POU6F2: variants seen among roughly 807,000 people sequenced by gnomAD.
The protein encoded by POU6F2 is POU domain, class 6, transcription factor 2.
In POU6F2, 31 loss-of-function variants were observed where a neutral mutation model predicts 71.3. That is an observed-to-expected ratio of 0.43 (90% CI 0.33 to 0.59). The LOEUF is 0.59. POU6F2 is among the 20% of genes least tolerant of loss of function. The pLI is 0.04. For missense variants in POU6F2, 783 were observed against 856.8 expected, an observed-to-expected ratio of 0.91 and a Z score of 1.07; for synonymous variants, 347 against 355.7, an observed-to-expected ratio of 0.98 and a Z score of 0.27.
intron 1 of POU6F2, among the ~76,000 whole-genome samples, chr7:38,982,006 AT>A (rs1342248903): frequency 6.6e-6 from 1 of 152,222 alleles, no homozygotes; most frequent in Non-Finnish European, 1.5e-5. Context: ...AGATTTAATA[AT>A]AATTTGCTTA....
At chr7:39,257,560 T>G (rs1784049862) in intron 4 of POU6F2, among the ~76,000 whole-genome samples, 1 of 151,868 alleles carries the variant, frequency 6.6e-6, no homozygotes, top group African/African-American at 2.4e-5. Flanking sequence ...CAGCTCAGGG[T>G]GGGTGTCAAA....
At chr7:39,103,387 G>A (rs1451069947) in intron 2 of POU6F2, among the ~76,000 whole-genome samples, 1 of 152,126 alleles carries the variant, frequency 6.6e-6, no homozygotes, top group African/African-American at 2.4e-5. Flanking sequence ...ATGGAGTCTT[G>A]GTGGGACGAT....
chr7:39,051,045 T>G (rs749602003), intron 1 of POU6F2, among the ~76,000 whole-genome samples: 2 of 152,162 alleles, frequency 1.3e-5, no homozygotes, highest in African/African-American at 2.4e-5. Context: ...CTTGAATTAT[T>G]CACTTAGATC....
chr7:39,333,131 G>A (rs1362794460), intron 4 of POU6F2, among the ~76,000 whole-genome samples: 1 of 152,146 alleles, frequency 6.6e-6, no homozygotes, highest in Admixed American at 6.5e-5. Flanking sequence ...ACTTTGCTGA[G>A]CAGGTGCAGC....
intron 4 of POU6F2, among the ~76,000 whole-genome samples, chr7:39,265,515 C>T (rs1007811923): frequency 4.6e-5 from 7 of 152,192 alleles, no homozygotes; most frequent in Non-Finnish European, 1.5e-5. Context: ...TCAAGAGGGG[C>T]ATGTGGTTTC....
chr7:39,142,987 C>A (rs1000600528), intron 2 of POU6F2, among the ~76,000 whole-genome samples: 1 of 152,194 alleles, frequency 6.6e-6, no homozygotes, highest in African/African-American at 2.4e-5. Flanking sequence ...TATGTATCAT[C>A]TCTGTTCTAG....
chr7:39,300,086 G>A lies in POU6F2; in HGVS notation c.599-39556G>A, dbSNP rs576707602. ...AGCCCACGAGGACCCACCATATACT[G>A]TATTTTCCAGTGCCAATCACCTTCA... On this transcript the variant is annotated intron_variant, in intron 4 of 9. Coordinates refer to ENST00000518318, the MANE Select transcript of POU6F2 (RefSeq NM_001370959.1). Among the ~76,000 whole-genome samples, 31 of 152,218 alleles carry A rather than the reference G, an allele frequency of 2.0e-4. No homozygotes were observed. In the South Asian group the frequency reaches 5.4e-3, roughly 26 times the overall value.
At chr7:39,281,520 T>G (rs1784562915) in intron 4 of POU6F2, among the ~76,000 whole-genome samples, 2 of 152,316 alleles carry the variant, frequency 1.3e-5, no homozygotes, top group Admixed American at 1.3e-4. Flanking sequence ...GATCAACTTT[T>G]TTAGATCCCA....
intron 1 of POU6F2, among the ~76,000 whole-genome samples, chr7:39,007,959 C>T (rs1163000933): frequency 1.0e-4 from 15 of 150,662 alleles, no homozygotes; most frequent in Admixed American, 9.3e-4. Flanking sequence ...CAAGTCTTTG[C>T]TATTGTGAAT....
At chr7:39,367,029 A>G (rs181515565) in intron 5 of POU6F2, among the ~76,000 whole-genome samples, 2 of 152,176 alleles carry the variant, frequency 1.3e-5, no homozygotes, top group Admixed American at 1.3e-4. Flanking sequence ...CTTTACAAAG[A>G]TAGAGGGGGA....
chr7:38,986,366 G>A (rs905283454), intron 1 of POU6F2, among the ~76,000 whole-genome samples: 9 of 152,008 alleles, frequency 5.9e-5, no homozygotes, highest in African/African-American at 9.7e-5. Context: ...GTAAGAATTC[G>A]AGTACATAGT....
chr7:39,336,827 A>C (rs1442470448), intron 4 of POU6F2, among the ~76,000 whole-genome samples: 3 of 152,344 alleles, frequency 2.0e-5, no homozygotes, highest in East Asian at 3.9e-4. Context: ...TTATAATAGT[A>C]TGGTCTTATA....
intron 1 of POU6F2, among the ~76,000 whole-genome samples, chr7:39,009,239 A>G (rs1041192403): frequency 1.3e-4 from 20 of 151,596 alleles, no homozygotes; most frequent in Admixed American, 3.9e-4. Flanking sequence ...GGTCCTTCAC[A>G]TCCCTTGTAA....
chr7:39,005,484 CTGTG>C (rs56984287), intron 1 of POU6F2, among the ~76,000 whole-genome samples: 85 of 126,702 alleles, frequency 6.7e-4, no homozygotes, highest in South Asian at 2.5e-3. Context: ...AGGGAGAAAC[CTGTG>C]TGTGTGTGTG....
chr7:39,006,830 G>A (rs753646012), intron 1 of POU6F2: 1 of 1,613,348 alleles, frequency 6.2e-7, no homozygotes, highest in Non-Finnish European at 8.5e-7. Context: ...TTCTTATAAT[G>A]ATCCAAGAGG....
intron 2 of POU6F2, among the ~76,000 whole-genome samples, chr7:39,130,066 CAAAAA>C (rs572365688): frequency 9.0e-5 from 4 of 44,576 alleles, no homozygotes; most frequent in Non-Finnish European, 1.9e-4. Context: ...GACTCCATCT[CAAAAA>C]AAAAAAAAAA....
rs571716111 is a variant in POU6F2, at chr7:39,282,119, A to G, written c.599-57523A>G. On this transcript the variant is annotated intron_variant, in intron 4 of 9. Coordinates refer to ENST00000518318, the MANE Select transcript of POU6F2 (RefSeq NM_001370959.1). ...GAAATGTCTGTTTGGCATTTTATTC[A>G]TTTTTAAAATCAGAGTATTTGTTGC... Among the ~76,000 whole-genome samples, 3 of 152,128 alleles carry G rather than the reference A, an allele frequency of 2.0e-5. No homozygotes were observed. In the South Asian group the frequency reaches 6.2e-4, roughly 32 times the overall value.
chr7:39,134,447 T>C (rs1360299912), intron 2 of POU6F2, among the ~76,000 whole-genome samples: 1 of 152,198 alleles, frequency 6.6e-6, no homozygotes, highest in Non-Finnish European at 1.5e-5. Flanking sequence ...CCACAGATCA[T>C]GATAATGATA....
chr7:39,157,943 G>C (rs865906736), intron 2 of POU6F2, among the ~76,000 whole-genome samples: 1 of 152,176 alleles, frequency 6.6e-6, no homozygotes, highest in Non-Finnish European at 1.5e-5. Flanking sequence ...GGAGTAAGAT[G>C]TTTAATATAG....
Sources: allele counts gnomAD v4.1 joint callset (sites outside exome capture counted in the v4.1 genomes callset), GRCh38; gene constraint gnomAD v4.1.1; transcripts MANE v1.5; gene names NCBI Gene and HGNC (gene_info 2026-07-23, HGNC 2026-07-21).